FAAH2: variants seen among roughly 807,000 people sequenced by gnomAD.
FAAH2 encodes fatty acid amide hydrolase 2.
FAAH2 carries 60 observed loss-of-function variants against 36.9 expected under a neutral mutation model. The observed-to-expected ratio is 1.63, with a 90% confidence interval of 1.32 to 2.02. The LOEUF is 2.02. Among genes scored for constraint, FAAH2 ranks in the 30% most tolerant of loss-of-function variants. FAAH2 has a pLI of 0.00. For synonymous variants in FAAH2, 214 were observed against 143.8 expected, an observed-to-expected ratio of 1.49 and a Z score of -3.49; for missense variants, 689 against 397.5, an observed-to-expected ratio of 1.73 and a Z score of -6.23.
At chrX:57,438,248 T>C in intron 8 of FAAH2, among the ~76,000 whole-genome samples, 1 of 13,691 alleles carries the variant, frequency 7.3e-5, no homozygotes, top group East Asian at 2.2e-3. Flanking sequence ...TATATATAGA[T>C]ATAAGTATAT....
chrX:57,248,592 A>G, the FAAH2 span, among the ~76,000 whole-genome samples: 2 of 108,162 alleles, frequency 1.8e-5, no homozygotes, highest in Admixed American at 9.9e-5. Flanking sequence ...CATTTCTACT[A>G]AAAATACAAA....
chrX:57,165,266 G>C, the FAAH2 span, among the ~76,000 whole-genome samples: 5 of 111,914 alleles, frequency 4.5e-5, no homozygotes, highest in African/African-American at 1.6e-4. Context: ...CATTATTCAC[G>C]ATAGCAAAGA....
At chrX:57,409,763 T>G (rs970448234) in intron 7 of FAAH2, among the ~76,000 whole-genome samples, 1 of 111,034 alleles carries the variant, frequency 9.0e-6, no homozygotes, top group African/African-American at 3.2e-5. Context: ...TGTTTATTTT[T>G]TATTTTATTT....
chrX:57,327,393 C>T (rs1357316692), intron 3 of FAAH2, among the ~76,000 whole-genome samples: 2 of 110,481 alleles, frequency 1.8e-5, no homozygotes, highest in Admixed American at 1.9e-4. Flanking sequence ...GCCTGCCTTG[C>T]TAGATTGGGG....
At chrX:57,204,907 C>T in the FAAH2 span, among the ~76,000 whole-genome samples, 1 of 112,133 alleles carries the variant, frequency 8.9e-6, no homozygotes, top group African/African-American at 3.2e-5. Context: ...TTTAATATTC[C>T]ATATAAAGAA....
At chrX:57,404,413 C>A (rs2055516378) in intron 7 of FAAH2, among the ~76,000 whole-genome samples, 1 of 111,810 alleles carries the variant, frequency 8.9e-6, no homozygotes, top group Non-Finnish European at 1.9e-5. Flanking sequence ...TATGTGCCTC[C>A]CTTTTATTTA....
intron 7 of FAAH2, among the ~76,000 whole-genome samples, chrX:57,388,407 G>A (rs1221214236): frequency 1.8e-5 from 2 of 110,950 alleles, no homozygotes; most frequent in Non-Finnish European, 3.8e-5. Context: ...ATATTTCCTA[G>A]CAACACCTTA....
intron 4 of FAAH2, 61 bp downstream of exon 4, chrX:57,331,868 T>C: frequency 9.4e-7 from 1 of 1,064,384 alleles, no homozygotes; most frequent in Non-Finnish European, 1.3e-6. Context: ...TTATGAATTG[T>C]ATTAATAAAC....
At chrX:57,420,235 G>GT (rs200509357) in intron 7 of FAAH2, among the ~76,000 whole-genome samples, 40,884 of 109,830 alleles carry the variant, frequency 0.37, 6,596 homozygotes, top group Middle Eastern at 0.62. Flanking sequence ...CTTTAAAGTA[G>GT]TTTTTTTCCA....
intron 3 of FAAH2, among the ~76,000 whole-genome samples, chrX:57,311,096 G>T (rs1321638183): frequency 8.9e-6 from 1 of 112,165 alleles, no homozygotes; most frequent in Non-Finnish European, 1.9e-5. Context: ...CTGTAATACA[G>T]TTCTTATTTT....
chrX:57,349,383 T>G (rs1447002585), intron 5 of FAAH2, among the ~76,000 whole-genome samples: 3 of 98,537 alleles, frequency 3.0e-5, no homozygotes, highest in Non-Finnish European at 6.0e-5. Context: ...ATATATCTAT[T>G]TTAATATATA....
intron 10 of FAAH2, among the ~76,000 whole-genome samples, chrX:57,462,182 A>AAC (rs1438492749): frequency 2.1e-4 from 23 of 107,482 alleles, no homozygotes; most frequent in Admixed American, 1.0e-4. Context: ...AAAAAAAAAA[A>AAC]AAAAACCCAG....
intron 2 of FAAH2, among the ~76,000 whole-genome samples, chrX:57,308,137 A>G (rs997591036): frequency 1.8e-5 from 2 of 110,686 alleles, no homozygotes; most frequent in Non-Finnish European, 3.8e-5. Context: ...AAAACTATTT[A>G]TTTTCTTTTG....
At chrX:57,380,458 ACTT>A (rs1198467615) in intron 6 of FAAH2, among the ~76,000 whole-genome samples, 5 of 111,844 alleles carry the variant, frequency 4.5e-5, no homozygotes, top group African/African-American at 1.6e-4. Context: ...CTGATCCACT[ACTT>A]TGATTCTTAC....
At chrX:57,166,872 A>G in the FAAH2 span, among the ~76,000 whole-genome samples, 1 of 112,005 alleles carries the variant, frequency 8.9e-6, no homozygotes, top group African/African-American at 3.2e-5. Flanking sequence ...ATCTTCAATT[A>G]CTGGGCTGTA....
chrX:57,476,094 G>T (rs2057262270), intron 10 of FAAH2, among the ~76,000 whole-genome samples: 1 of 111,583 alleles, frequency 9.0e-6, no homozygotes, highest in African/African-American at 3.3e-5. Flanking sequence ...AGGAGTTTTT[G>T]AGCTGAGACA....
At chrX:57,195,167 G>A in the FAAH2 span, among the ~76,000 whole-genome samples, 5 of 111,840 alleles carry the variant, frequency 4.5e-5, no homozygotes, top group African/African-American at 1.6e-4. Context: ...TCTACTTTTA[G>A]TTCTTTATGG....
chrX:57,406,310 G>A (rs763392084), intron 7 of FAAH2, among the ~76,000 whole-genome samples: 8 of 112,367 alleles, frequency 7.1e-5, no homozygotes, highest in African/African-American at 2.6e-4. Flanking sequence ...AGCTGGGAGT[G>A]CAGAGCTCTC....
chrX:57,281,418 A>G, the FAAH2 span, among the ~76,000 whole-genome samples: 1 of 112,012 alleles, frequency 8.9e-6, no homozygotes, highest in African/African-American at 3.2e-5. Flanking sequence ...ACAAGTTTAT[A>G]GTTACTAAGA....
Sources: gnomAD v4.1 joint callset for allele counts (sites outside exome capture counted in the v4.1 genomes callset) on GRCh38, gnomAD v4.1.1 for gene constraint, MANE v1.5 for transcripts, NCBI Gene and HGNC (gene_info 2026-07-23, HGNC 2026-07-21) for gene names.